The following GABRB2 variants were observed in gnomAD, a reference collection of about 807,000 sequenced individuals.
The protein encoded by GABRB2 is gamma-aminobutyric acid receptor subunit beta-2.
A neutral mutation model predicts 54.7 loss-of-function variants in GABRB2; 16 were observed. The observed-to-expected ratio is 0.29, with a 90% CI of 0.20 to 0.44. The LOEUF (loss-of-function observed/expected upper bound fraction) is 0.44. Ranked by LOEUF, GABRB2 falls within the 20% of genes least tolerant of loss-of-function variation. The pLI is 1.00. For missense variants in GABRB2, 355 were observed against 644.0 expected (o/e 0.55, Z 4.86); for synonymous variants, 244 against 233.8 (o/e 1.04, Z -0.40).
chr5:161,490,431 T>C (rs908352024), intron 3 of GABRB2, among the ~76,000 whole-genome samples: 3 of 151,656 alleles, frequency 2.0e-5, no homozygotes, highest in Admixed American at 6.6e-5. Flanking sequence ...TCAAGTCACA[T>C]AGGCACCTCC....
chr5:161,503,292 T>C (rs1197669441), intron 3 of GABRB2, among the ~76,000 whole-genome samples: 1 of 151,476 alleles, frequency 6.6e-6, no homozygotes, highest in Non-Finnish European at 1.5e-5. Flanking sequence ...CAAGTAGAAA[T>C]TCTAGAATTG....
chr5:161,404,816 C>T (rs1051433752), intron 5 of GABRB2, among the ~76,000 whole-genome samples: 3 of 152,110 alleles, frequency 2.0e-5, no homozygotes, highest in African/African-American at 7.2e-5. Context: ...TTCACATAAA[C>T]CAGGGCCTGC....
intron 4 of GABRB2, among the ~76,000 whole-genome samples, chr5:161,417,367 T>C (rs1053774586): frequency 5.3e-5 from 8 of 152,198 alleles, no homozygotes; most frequent in Admixed American, 5.2e-4. Flanking sequence ...TTATTCCCAT[T>C]TTATACATGA....
intron 5 of GABRB2, among the ~76,000 whole-genome samples, chr5:161,387,840 G>A (rs1052433843): frequency 5.3e-5 from 8 of 152,018 alleles, no homozygotes; most frequent in African/African-American, 1.9e-4. Context: ...TTTTTAAATG[G>A]CATGAGTTTT....
chr5:161,504,342 T>C (rs1759537574), intron 3 of GABRB2, among the ~76,000 whole-genome samples: 1 of 152,162 alleles, frequency 6.6e-6, no homozygotes, highest in Non-Finnish European at 1.5e-5. Flanking sequence ...ACTAATGTCA[T>C]TTACTGTATG....
chr5:161,434,911 A>G (rs1757267136), intron 4 of GABRB2, among the ~76,000 whole-genome samples: 1 of 152,108 alleles, frequency 6.6e-6, no homozygotes, highest in African/African-American at 2.4e-5. Flanking sequence ...CACTAGTGAA[A>G]AGTTCTCTCC....
chr5:161,304,025 T>C (rs1245836825), intron 9 of GABRB2, among the ~76,000 whole-genome samples: 2 of 152,152 alleles, frequency 1.3e-5, no homozygotes, highest in Non-Finnish European at 2.9e-5. Context: ...AAGTAAGTAT[T>C]CCAAACAATA....
chr5:161,396,408 G>C (rs1340669220), intron 5 of GABRB2, among the ~76,000 whole-genome samples: 1 of 152,174 alleles, frequency 6.6e-6, no homozygotes, highest in East Asian at 1.9e-4. Flanking sequence ...TGGAAAAATG[G>C]ATACAGCATT....
intron 5 of GABRB2, among the ~76,000 whole-genome samples, chr5:161,396,112 A>C (rs575910624): frequency 1.3e-5 from 2 of 152,272 alleles, no homozygotes; most frequent in South Asian, 4.1e-4. Context: ...AATTGTTCCG[A>C]TACTTTGGGC....
chr5:161,525,173 C>T (rs1760238600), intron 3 of GABRB2, among the ~76,000 whole-genome samples: 1 of 151,002 alleles, frequency 6.6e-6, no homozygotes, highest in African/African-American at 2.4e-5. Flanking sequence ...TACAAGTGTG[C>T]CCTAATAAAA....
intron 4 of GABRB2, among the ~76,000 whole-genome samples, chr5:161,441,434 T>C (rs1478670572): frequency 6.6e-6 from 1 of 152,182 alleles, no homozygotes; most frequent in Non-Finnish European, 1.5e-5. Context: ...AAATGGCTTA[T>C]ATCCAAAAGA....
chr5:161,500,849 T>C (rs1281056342), intron 3 of GABRB2, among the ~76,000 whole-genome samples: 1 of 152,158 alleles, frequency 6.6e-6, no homozygotes, highest in African/African-American at 2.4e-5. Flanking sequence ...CTTTTATTAT[T>C]ATACTTTAAG....
At chr5:161,532,762 T>G (rs966582087) in intron 3 of GABRB2, among the ~76,000 whole-genome samples, 1 of 152,140 alleles carries the variant, frequency 6.6e-6, no homozygotes, top group Non-Finnish European at 1.5e-5. Context: ...TTAATTGGTG[T>G]AGAGCCAATT....
Position 161,390,075 on chromosome 5 carries a change from G to T in GABRB2, c.541+20900C>A, listed in dbSNP as rs146243114. ...TTGGTGTTAGTTTTCTTTCAAGAAA[G>T]TGTGAAATCAATTTGCATATGACAA... On this transcript the variant is annotated intron_variant, in intron 5 of 9. Coordinates refer to ENST00000393959, the MANE Select transcript of GABRB2 (RefSeq NM_001371727.1). Among the ~76,000 whole-genome samples the T allele has an allele frequency of 1.2e-3, 179 of 152,100 alleles. 1 individual carries two copies. The highest frequency in any genetic ancestry group is 4.1e-3 in the African/African-American group (170 of 41,548).
intron 3 of GABRB2, among the ~76,000 whole-genome samples, chr5:161,478,838 G>A (rs1480631109): frequency 1.3e-5 from 2 of 152,050 alleles, no homozygotes; most frequent in African/African-American, 2.4e-5. Context: ...GAAACTGGCA[G>A]AGAGAGACAA....
intron 3 of GABRB2, among the ~76,000 whole-genome samples, chr5:161,475,128 A>T (rs1447263425): frequency 6.6e-6 from 1 of 151,986 alleles, no homozygotes; most frequent in Non-Finnish European, 1.5e-5. Context: ...ATGGTTTTAG[A>T]GAGAAATAGC....
chr5:161,518,206 C>T (rs1470068961), intron 3 of GABRB2, among the ~76,000 whole-genome samples: 1 of 152,170 alleles, frequency 6.6e-6, no homozygotes, highest in Non-Finnish European at 1.5e-5. Context: ...CTATTCTTAA[C>T]ATTTTATACA....
At chr5:161,388,986 C>T (rs1210399905) in intron 5 of GABRB2, among the ~76,000 whole-genome samples, 3 of 151,960 alleles carry the variant, frequency 2.0e-5, no homozygotes, top group Non-Finnish European at 4.4e-5. Context: ...ATACCTAACT[C>T]ATTTATTTTC....
chr5:161,370,844 G>T (rs902118458), intron 5 of GABRB2, among the ~76,000 whole-genome samples: 1 of 152,130 alleles, frequency 6.6e-6, no homozygotes, highest in Admixed American at 6.6e-5. Flanking sequence ...TTAATTATAG[G>T]TTGGTGGAAA....
Sources: gnomAD v4.1 joint callset for allele counts (sites outside exome capture counted in the v4.1 genomes callset) on GRCh38, gnomAD v4.1.1 for gene constraint, MANE v1.5 for transcripts, NCBI Gene and HGNC (gene_info 2026-07-23, HGNC 2026-07-21) for gene names.